The following CCDC7 variants were observed in gnomAD, a reference collection of about 807,000 sequenced individuals.
CCDC7 encodes the protein coiled-coil domain-containing protein 7.
CCDC7 carries 183 observed loss-of-function variants against 196.9 expected under a neutral mutation model. The ratio of observed to expected loss-of-function variants is 0.93; its 90% confidence interval spans 0.82 to 1.05. The LOEUF (loss-of-function observed/expected upper bound fraction) is 1.05, where lower values mean the gene tolerates loss of function less well. Ranked by LOEUF, CCDC7 falls within the 50% of genes least tolerant of loss-of-function variation. The probability of loss-of-function intolerance (pLI) is 0.00; values close to 1 mark genes in which losing one functional copy is unlikely to be tolerated. For missense variants in CCDC7, 1,540 were observed against 1,482.2 expected, an observed-to-expected ratio of 1.04 and a Z score of -0.64; for synonymous variants, 525 against 484.6, an observed-to-expected ratio of 1.08 and a Z score of -1.10.
chr10:32,629,519 T>C (rs572900596), intron 18 of CCDC7, among the ~76,000 whole-genome samples: 1 of 151,804 alleles, frequency 6.6e-6, no homozygotes, highest in Non-Finnish European at 1.5e-5. Context: ...AGAGAGAGAG[T>C]CCTCAGCTTT....
intron 32 of CCDC7, among the ~76,000 whole-genome samples, chr10:32,833,941 C>T (rs1006165998): frequency 1.3e-5 from 2 of 152,078 alleles, no homozygotes; most frequent in African/African-American, 4.8e-5. Flanking sequence ...CCCAATTTCA[C>T]CCACAAAACT....
At chr10:32,599,705 A>G (rs958905715) in intron 18 of CCDC7, among the ~76,000 whole-genome samples, 7 of 151,298 alleles carry the variant, frequency 4.6e-5, no homozygotes, top group Non-Finnish European at 8.9e-5. Context: ...TTTTGGTTAC[A>G]TGGATGAATT....
intron 21 of CCDC7, among the ~76,000 whole-genome samples, chr10:32,680,828 G>A (rs148265898): frequency 0.016 from 2,396 of 152,248 alleles, 23 homozygotes; most frequent in Middle Eastern, 0.034. Flanking sequence ...GGGTAATGGG[G>A]ACATAAGGAC....
At chr10:32,671,148 T>G (rs1251354765) in intron 21 of CCDC7, among the ~76,000 whole-genome samples, 1 of 152,200 alleles carries the variant, frequency 6.6e-6, no homozygotes, top group African/African-American at 2.4e-5. Flanking sequence ...TAGTGCACAG[T>G]AATGTCCTAG....
chr10:32,637,322 G>A (rs2065838620), intron 20 of CCDC7, among the ~76,000 whole-genome samples: 1 of 152,102 alleles, frequency 6.6e-6, no homozygotes, highest in Non-Finnish European at 1.5e-5. Context: ...TGTCCTGAAT[G>A]GTATTGCCTA....
At chr10:32,734,885 G>T (rs1410498615) in intron 28 of CCDC7, among the ~76,000 whole-genome samples, 2 of 151,960 alleles carry the variant, frequency 1.3e-5, no homozygotes, top group African/African-American at 4.8e-5. Flanking sequence ...GTGACAGAGT[G>T]AGGCTTCATC....
At chr10:32,673,653 ACGTGTGTGTGTG>A (rs1342763477) in intron 21 of CCDC7, among the ~76,000 whole-genome samples, 11 of 120,636 alleles carry the variant, frequency 9.1e-5, no homozygotes, top group African/African-American at 3.1e-4. Context: ...ACCATTGTGC[ACGTGTGTGTGTG>A]TGTGTGTGTG....
At chr10:32,681,750 C>CAT (rs1320604125) in intron 21 of CCDC7, among the ~76,000 whole-genome samples, 3 of 148,182 alleles carry the variant, frequency 2.0e-5, no homozygotes, top group Admixed American at 1.4e-4. Context: ...CACACACACA[C>CAT]ACACACACAC....
At chr10:32,690,837 C>A (rs1275103517) in intron 23 of CCDC7, among the ~76,000 whole-genome samples, 1 of 152,174 alleles carries the variant, frequency 6.6e-6, no homozygotes, top group South Asian at 2.1e-4. Flanking sequence ...ACATCTATAC[C>A]AACAATACAT....
At position 32,571,839 on chromosome 10, in the gene CCDC7, T is replaced by G. The variant is rs753182402; in HGVS notation, c.1420-20T>G. The stretch of plus-strand genomic sequence containing the variant: ...TATGCATACTTGATATTTTTAAATG[T>G]AGTATTATCTTTATCACAGATCACT... On this transcript the variant is annotated intron_variant, in intron 15 of 41. Transcript: ENST00000639629. The G allele has an allele frequency of 1.3e-6, 2 of 1,530,454 alleles. No homozygotes were observed. Among genetic ancestry groups the G allele is most frequent in the Non-Finnish European group, 1.7e-6 (2 of 1,144,734 alleles). 94.8% of individuals were successfully genotyped at this position (1,530,454 alleles called of 1,614,324 possible). A position where few individuals can be genotyped will look rare whatever the true frequency, so the allele number is the denominator to read the frequency against.
chr10:32,479,012 C>T (rs947719099), intron 8 of CCDC7, among the ~76,000 whole-genome samples: 1 of 151,958 alleles, frequency 6.6e-6, no homozygotes, highest in East Asian at 1.9e-4. Context: ...TCAATTTCTC[C>T]TTTGTGAGTT....
intron 41 of CCDC7, among the ~76,000 whole-genome samples, chr10:32,865,660 G>A (rs1443449852): frequency 1.3e-5 from 2 of 151,772 alleles, no homozygotes; most frequent in East Asian, 3.9e-4. Flanking sequence ...GGGTTACACA[G>A]CTGTAGGCAT....
At chr10:32,870,761 G>A (rs1026701644) in intron 41 of CCDC7, among the ~76,000 whole-genome samples, 1 of 152,082 alleles carries the variant, frequency 6.6e-6, no homozygotes, top group African/African-American at 2.4e-5. Flanking sequence ...ATTATTTTGA[G>A]ATACATCCCA....
chr10:32,866,770 G>A (rs1316229392), intron 41 of CCDC7, among the ~76,000 whole-genome samples: 1 of 151,550 alleles, frequency 6.6e-6, no homozygotes, highest in Admixed American at 6.6e-5. Context: ...AAAAATTAAT[G>A]GGTGAGTTTA....
At chr10:32,871,589 T>A (rs577569183) in intron 41 of CCDC7, among the ~76,000 whole-genome samples, 2 of 151,800 alleles carry the variant, frequency 1.3e-5, no homozygotes, top group South Asian at 4.1e-4. Flanking sequence ...GTTTTTTGTG[T>A]CTCTATTTCC....
intron 9 of CCDC7, among the ~76,000 whole-genome samples, chr10:32,500,598 G>A (rs1458783809): frequency 6.6e-6 from 1 of 151,396 alleles, no homozygotes; most frequent in Non-Finnish European, 1.5e-5. Context: ...TCACATCCCA[G>A]ACGATGGGCG....
intron 13 of CCDC7, among the ~76,000 whole-genome samples, chr10:32,562,524 C>T (rs1189413934): frequency 6.6e-6 from 1 of 152,072 alleles, no homozygotes; most frequent in Non-Finnish European, 1.5e-5. Flanking sequence ...TGTAATCCAG[C>T]ATATAAACAG....
At chr10:32,623,603 A>G (rs2063644075) in intron 18 of CCDC7, 2 of 408,212 alleles carry the variant, frequency 4.9e-6, no homozygotes, top group Admixed American at 2.8e-5. Context: ...CTCAATAAAT[A>G]CTATTAAGAA....
At chr10:32,746,787 T>C (rs578201934) in intron 28 of CCDC7, among the ~76,000 whole-genome samples, 167 of 152,198 alleles carry the variant, frequency 1.1e-3, no homozygotes, top group Non-Finnish European at 2.0e-3. Context: ...TCGCACCACT[T>C]TGTCATTGTG....
Sources: allele counts gnomAD v4.1 joint callset (sites outside exome capture counted in the v4.1 genomes callset), GRCh38; gene constraint gnomAD v4.1.1; transcripts MANE v1.5; gene names NCBI Gene and HGNC (gene_info 2026-07-23, HGNC 2026-07-21).